The following PAICS variants were observed in gnomAD, a reference collection of about 807,000 sequenced individuals.
PAICS encodes the protein phosphoribosylaminoimidazole carboxylase and phosphoribosylaminoimidazolesuccinocarboxamide synthase.
In PAICS, 33 loss-of-function variants were observed where a neutral mutation model predicts 53.7. The ratio of observed to expected loss-of-function variants is 0.61; its 90% CI spans 0.47 to 0.82. The LOEUF is 0.82. Among genes scored for constraint, PAICS ranks in the 40% least tolerant of loss-of-function variants. The pLI, the probability that PAICS is intolerant of heterozygous loss-of-function variation, is 0.00. For missense variants in PAICS, 394 were observed against 494.1 expected (o/e 0.80, Z 1.92); for synonymous variants, 141 against 167.2 (o/e 0.84, Z 1.21).
upstream of PAICS, among the ~76,000 whole-genome samples, chr4:56,432,424 A>G (rs1317471507): frequency 6.6e-6 from 1 of 151,178 alleles, no homozygotes; most frequent in Non-Finnish European, 1.5e-5. Context: ...GCTACTCGGG[A>G]GACAGGTACG....
At chr4:56,432,525 CAAA>C (rs34998854), upstream of PAICS, among the ~76,000 whole-genome samples, 807 of 75,346 alleles carry the variant, frequency 0.011, 6 homozygotes, top group African/African-American at 0.036. Context: ...GACCCTGTCT[CAAA>C]AAAAAAAAAA....
In PAICS at chr4:56,441,716, T is replaced by C. The variant is rs1230482627; in HGVS notation, c.70T>C (p.Leu24=). Residue 24 remains leucine (L), a synonymous_variant, in exon 2 of 9, where the codon TTG becomes CTG. Coordinates refer to ENST00000512576, the MANE Select transcript of PAICS (RefSeq NM_001079524.2). ...GGGTAAAACAAAAGAAGTCTACGAA[T>C]TGTTAGACAGTCCAGGAAAAGTCCT... ...YEGKTKEVYE[L]LDSPGKVLLQ... 1.9e-6 allele frequency: 3 copies of C among 1,604,150 alleles called. No homozygotes were observed. The highest frequency in any genetic ancestry group is 2.6e-6 in the Non-Finnish European group (3 of 1,174,916).
chr4:56,436,093 G>T, upstream of PAICS: 1 of 1,478,732 alleles, frequency 6.8e-7, no homozygotes, highest in Non-Finnish European at 8.9e-7. Flanking sequence ...GCGCCTGCGC[G>T]GCGGGAAGCC....
intron 2 of PAICS, chr4:56,442,165 A>C (rs2110083339): frequency 4.3e-6 from 1 of 233,458 alleles, no homozygotes; most frequent in South Asian, 1.3e-4. Context: ...TATGAAGGAA[A>C]CCCATTTTAA....
the PAICS span, among the ~76,000 whole-genome samples, chr4:56,427,648 A>AT: frequency 6.6e-6 from 1 of 151,454 alleles, no homozygotes; most frequent in Non-Finnish European, 1.5e-5. Context: ...CTCTTAAAAA[A>AT]AAAAAAAAAA....
Position 56,436,260 on chromosome 4 carries a change from A to G in PAICS, c.-53A>G, listed in dbSNP as rs112950419. The G allele has an allele frequency of 2.2e-3, 3,502 of 1,574,878 alleles. 110 individuals are homozygous for G. In the South Asian group the frequency reaches 0.035, roughly 16 times the overall value. On this transcript the variant is annotated 5_prime_UTR_variant, in exon 1 of 9. Transcript: ENST00000512576. ...AGCTCTCTGACCACCCCTCTTTTCTAGAGTTCTGCCTCGCTTCCCGGCGCG... is the reference window on the plus strand; with the variant it reads ...AGCTCTCTGACCACCCCTCTTTTCTGGAGTTCTGCCTCGCTTCCCGGCGCG...
the PAICS span, among the ~76,000 whole-genome samples, chr4:56,417,723 G>T: frequency 6.6e-6 from 1 of 152,074 alleles, no homozygotes; most frequent in Non-Finnish European, 1.5e-5. Context: ...GGGGTTCAAG[G>T]CTGCAGTGAG....
chr4:56,417,780 A>G, the PAICS span, among the ~76,000 whole-genome samples: 1 of 152,140 alleles, frequency 6.6e-6, no homozygotes, highest in East Asian at 1.9e-4. Flanking sequence ...AGTCTACGAA[A>G]AGAAAAAGAA....
intron 8 of PAICS, among the ~76,000 whole-genome samples, chr4:56,455,343 T>C (rs961382242): frequency 3.3e-5 from 5 of 152,210 alleles, no homozygotes; most frequent in East Asian, 1.9e-4. Flanking sequence ...ACTTTTCTCA[T>C]ATCTGTATAT....
chr4:56,436,298 A>C lies in PAICS; in HGVS notation c.-15A>C, dbSNP rs745415728. Reference sequence around the variant, plus strand: ...GCTTCCCGGCGCGGTCGCAGCCCTCAGCCCACTTAGGATAATGGCGACAGC... The same window carrying C: ...GCTTCCCGGCGCGGTCGCAGCCCTCCGCCCACTTAGGATAATGGCGACAGC... On this transcript the variant is annotated 5_prime_UTR_variant, in exon 1 of 9. Coordinates refer to ENST00000512576, the MANE Select transcript of PAICS (RefSeq NM_001079524.2). The C allele has an allele frequency of 4.6e-5, 74 of 1,600,688 alleles. No individual in the cohort carries two copies. The highest frequency in any genetic ancestry group is 6.2e-5 in the Non-Finnish European group (73 of 1,174,318).
At chr4:56,437,663 A>C (rs1686962293) in intron 1 of PAICS, among the ~76,000 whole-genome samples, 1 of 151,758 alleles carries the variant, frequency 6.6e-6, no homozygotes, top group Non-Finnish European at 1.5e-5. Flanking sequence ...TCTACTAAAA[A>C]TGCAAAAATT....
At chr4:56,432,943 C>T (rs1265936281), upstream of PAICS, among the ~76,000 whole-genome samples, 2 of 150,492 alleles carry the variant, frequency 1.3e-5, no homozygotes, top group Non-Finnish European at 3.0e-5. Flanking sequence ...TGCAACAGAC[C>T]ACCACTTCTC....
upstream of PAICS, chr4:56,435,246 G>A (rs924185068): frequency 6.3e-5 from 97 of 1,531,002 alleles, no homozygotes; most frequent in Admixed American, 1.5e-3. Context: ...GGTCGGAGAG[G>A]TCGGTCCTCC....
chr4:56,435,257 C>T (rs1055582884), upstream of PAICS: 4 of 1,565,692 alleles, frequency 2.6e-6, no homozygotes, highest in Non-Finnish European at 3.5e-6. Context: ...TCGGTCCTCC[C>T]GGGCCCTCGG....
chr4:56,417,585 A>G, the PAICS span, among the ~76,000 whole-genome samples: 24 of 152,182 alleles, frequency 1.6e-4, no homozygotes, highest in Admixed American at 1.5e-3. Flanking sequence ...GTTCGAGACT[A>G]GCCTGGGCAA....
chr4:56,435,182 C>A (rs777476669), upstream of PAICS, among the ~76,000 whole-genome samples: 2 of 152,216 alleles, frequency 1.3e-5, no homozygotes, highest in African/African-American at 2.4e-5. Context: ...AAGCGAGGTG[C>A]CCCTCGTGCA....
intron 1 of PAICS, among the ~76,000 whole-genome samples, chr4:56,439,508 AT>A (rs1446875887): frequency 3.3e-5 from 5 of 152,304 alleles, no homozygotes. Context: ...AAGTGCTGGG[AT>A]TACAGGCATG....
intron 8 of PAICS, among the ~76,000 whole-genome samples, chr4:56,458,657 G>C (rs1719347345): frequency 6.6e-6 from 1 of 152,208 alleles, no homozygotes; most frequent in South Asian, 2.1e-4. Context: ...TGTGGATAAT[G>C]GGAGTCAAAG....
At chr4:56,416,503 A>G in the PAICS span, 1 of 190,664 alleles carries the variant, frequency 5.2e-6, no homozygotes, top group African/African-American at 2.4e-5. Flanking sequence ...CTGGTTCCTA[A>G]TCTGAGAAAA....
Sources: allele counts gnomAD v4.1 joint callset (sites outside exome capture counted in the v4.1 genomes callset), GRCh38; gene constraint gnomAD v4.1.1; transcripts MANE v1.5; gene names NCBI Gene and HGNC (gene_info 2026-07-23, HGNC 2026-07-21).